The following ZNF555 variants were observed in gnomAD, a reference collection of about 807,000 sequenced individuals.
The protein encoded by ZNF555 is zinc finger protein 555.
Under a neutral mutation model 14.0 loss-of-function variants are expected in ZNF555, and 10 were observed. The observed-to-expected ratio is 0.72, with a 90% confidence interval of 0.44 to 1.21. The LOEUF (loss-of-function observed/expected upper bound fraction) is 1.21. Ranked by LOEUF, ZNF555 falls within the 50% of genes most tolerant of loss-of-function variation. The pLI, the probability that ZNF555 is intolerant of heterozygous loss-of-function variation, is 0.00. For synonymous variants in ZNF555, 277 were observed against 262.4 expected, an observed-to-expected ratio of 1.06 and a Z score of -0.54; for missense variants, 747 against 762.0, an observed-to-expected ratio of 0.98 and a Z score of 0.23.
chr19:2,848,898 C>T lies in ZNF555; in HGVS notation c.4-1689C>T, dbSNP rs117835732. On this transcript the variant is annotated intron_variant, in intron 1 of 3. Transcript: ENST00000334241. Reference sequence around the variant, plus strand: ...CTGAATTAGGGTGGGGGTGAACCTTCCCAAAACCCAAGTTCCCAGACACCA... The same window carrying T: ...CTGAATTAGGGTGGGGGTGAACCTTTCCAAAACCCAAGTTCCCAGACACCA... Among the ~76,000 whole-genome samples, 365 of 152,302 alleles carry T rather than the reference C, an allele frequency of 2.4e-3. 4 individuals carry two copies. The highest frequency in any genetic ancestry group is 3.6e-3 in the Non-Finnish European group (242 of 68,034).
rs779502285 is a variant in ZNF555, at chr19:2,853,308, A to G, written c.1243A>G (p.Met415Val). 4 of 1,613,904 alleles carry G rather than the reference A, an allele frequency of 2.5e-6. No individual in the cohort carries two copies. Among genetic ancestry groups the G allele is most frequent in the East Asian group, 2.2e-5 (1 of 44,854 alleles). The change falls in exon 4 of 4, where the codon ATG (methionine) becomes GTG (valine). Residue 415 changes from methionine (M) to valine (V), a missense_variant. Coordinates refer to ENST00000334241, the MANE Select transcript of ZNF555 (RefSeq NM_152791.5). Reference sequence around the variant, plus strand: ...TCACCCCTCCTCCTTTCGAGGACACATGAGGGTGCACACTGGAGAGAAACC... The same window carrying G: ...TCACCCCTCCTCCTTTCGAGGACACGTGAGGGTGCACACTGGAGAGAAACC... Reference protein sequence around the residue: ...FSHPSSFRGHMRVHTGEKPYE... With the variant: ...FSHPSSFRGHVRVHTGEKPYE...
At position 2,857,199 on chromosome 19, in the gene ZNF555, T is replaced by C. The variant is rs2087690231; in HGVS notation, c.*3247T>C. ...TAACATAAGTTTTCATAACGCTCTA[T>C]AGATGAATGTGATTTGGCAGTCACT... On this transcript the variant is annotated 3_prime_UTR_variant, in exon 4 of 4. Transcript: ENST00000334241. 6.6e-6 allele frequency: 1 copy of C among 152,248 alleles called. No homozygotes were observed. The highest frequency in any genetic ancestry group is 2.1e-4 in the South Asian group (1 of 4,834). 9.4% of individuals were successfully genotyped at this position (152,248 alleles called of 1,614,324 possible).
intron 1 of ZNF555, chr19:2,847,162 A>G (rs2087588486): frequency 6.6e-6 from 1 of 152,024 alleles, no homozygotes; most frequent in Non-Finnish European, 1.5e-5. Context: ...ATATTTTACC[A>G]TTTTCTCTCA....
In ZNF555 at chr19:2,856,878, G is replaced by C. The variant is rs1014450653; in HGVS notation, c.*2926G>C. ...GTAAAGCCACAGCAGCCAGTCATAT[G>C]GGGGAGAAGAGGGGAATGTTTGATG... On this transcript the variant is annotated 3_prime_UTR_variant, in exon 4 of 4. Coordinates refer to ENST00000334241, the MANE Select transcript of ZNF555 (RefSeq NM_152791.5). 6.6e-6 allele frequency: 1 copy of C among 152,182 alleles called. No individual in the cohort carries two copies. The highest frequency in any genetic ancestry group is 2.4e-5 in the African/African-American group (1 of 41,424). The allele number at this position is 152,182 out of a possible 1,614,324, so 9.4% of individuals were successfully genotyped here.
In ZNF555 at chr19:2,859,012, G is replaced by A. The variant is rs978309954; in HGVS notation, c.*5060G>A. The A allele has an allele frequency of 3.3e-5, 5 of 152,354 alleles. No individual in the cohort carries two copies. Among genetic ancestry groups the A allele is most frequent in the African/African-American group, 1.2e-4 (5 of 41,450 alleles). The allele number at this position is 152,354 out of a possible 1,614,324, so 9.4% of individuals were successfully genotyped here. ...CGCGTCTTACTAACGCCTCACCAGA[G>A]CGCATGCGCCCTCCTCAGGAGCAGC... On this transcript the variant is annotated 3_prime_UTR_variant, in exon 4 of 4. Coordinates refer to ENST00000334241, the MANE Select transcript of ZNF555 (RefSeq NM_152791.5).
In ZNF555 at chr19:2,857,923, T is replaced by G. The variant is rs1381307886; in HGVS notation, c.*3971T>G. ...CTTTTCCCTAGCTGGGCGCGGTGAC[T>G]CATGCCTGTAATCTCAACATTTTGG... is the stretch of plus-strand genomic sequence containing the variant. On this transcript the variant is annotated 3_prime_UTR_variant, in exon 4 of 4. Transcript: ENST00000334241. 2 of 152,226 alleles carry G rather than the reference T, an allele frequency of 1.3e-5. No individual in the cohort carries two copies. Among genetic ancestry groups the G allele is most frequent in the Non-Finnish European group, 2.9e-5 (2 of 68,068 alleles). The allele number at this position is 152,226 out of a possible 1,614,324, so 9.4% of individuals were successfully genotyped here. A position where few individuals can be genotyped will look rare whatever the true frequency, so the allele number is the denominator to read the frequency against.
At chr19:2,844,795 C>T (rs2144844222) in intron 1 of ZNF555, among the ~76,000 whole-genome samples, 1 of 152,276 alleles carries the variant, frequency 6.6e-6, no homozygotes, top group East Asian at 1.9e-4. Flanking sequence ...TTGGCTCTTC[C>T]TGCGTCCACC....
At chr19:2,842,159 G>A (rs1215857115) in intron 1 of ZNF555, among the ~76,000 whole-genome samples, 1 of 152,080 alleles carries the variant, frequency 6.6e-6, no homozygotes, top group Non-Finnish European at 1.5e-5. Context: ...GGGAGCGGTG[G>A]GGCCTCGGCG....
At chr19:2,845,206 G>A (rs538105642) in intron 1 of ZNF555, among the ~76,000 whole-genome samples, 4 of 152,172 alleles carry the variant, frequency 2.6e-5, no homozygotes, top group African/African-American at 9.7e-5. Context: ...TTATAAGTAA[G>A]AACATGCCAT....
chr19:2,850,280 A>G (rs896806832), intron 1 of ZNF555, among the ~76,000 whole-genome samples: 2 of 152,242 alleles, frequency 1.3e-5, no homozygotes, highest in African/African-American at 2.4e-5. Flanking sequence ...TGGTCTTAAA[A>G]TACAAGTATT....
In ZNF555 at chr19:2,851,690, A is replaced by G. The variant is rs779437839; in HGVS notation, c.314+39A>G. 4.2e-6 allele frequency: 6 copies of G among 1,445,632 alleles called. No homozygotes were observed. The Admixed American group carries it at 1.6e-4, about 38-fold the overall frequency. 89.6% of individuals were successfully genotyped at this position (1,445,632 alleles called of 1,614,324 possible). On this transcript the variant is annotated intron_variant, in intron 3 of 3. Transcript: ENST00000334241. ...ACAAGAGAACATAGTATTTCAGGAG[A>G]GAATCTTAGTCTGTCATTAAACTTT...
chr19:2,853,233 CATG>C lies in ZNF555; in HGVS notation c.1169_1171del (p.His390_Gly391delinsArg), dbSNP rs1218831207. 6 of 1,614,154 alleles carry C rather than the reference CATG, an allele frequency of 3.7e-6. No individual in the cohort carries two copies. Among genetic ancestry groups the C allele is most frequent in the Non-Finnish European group, 5.1e-6 (6 of 1,180,004 alleles). Reference sequence around the variant, plus strand: ...GTCCTTTCGAAGACATGAAAGGACTCATGGTGGAGAGAAACCCTATGAATGCAA... The same window carrying C: ...GTCCTTTCGAAGACATGAAAGGACTCGTGGAGAGAAACCCTATGAATGCAA... On this transcript the variant is annotated inframe_deletion, in exon 4 of 4. Transcript: ENST00000334241.
Position 2,854,332 on chromosome 19 carries a change from C to T in ZNF555, c.*380C>T, listed in dbSNP as rs1448720665. ...TAGTTGGCAGAATTTTGTAATTATG[C>T]AAAGTTGTTTAAGGAGTATAGCCTC... On this transcript the variant is annotated 3_prime_UTR_variant, in exon 4 of 4. Coordinates refer to ENST00000334241, the MANE Select transcript of ZNF555 (RefSeq NM_152791.5). 4.6e-6 allele frequency: 1 copy of T among 215,134 alleles called. No homozygotes were observed. Among genetic ancestry groups the T allele is most frequent in the Non-Finnish European group, 9.3e-6 (1 of 107,536 alleles). The allele number at this position is 215,134 out of a possible 1,614,324, so 13.3% of individuals were successfully genotyped here.
chr19:2,843,155 T>C (rs2087552868), intron 1 of ZNF555, among the ~76,000 whole-genome samples: 1 of 152,160 alleles, frequency 6.6e-6, no homozygotes, highest in Non-Finnish European at 1.5e-5. Flanking sequence ...CTCAGATCTG[T>C]TATTTTCTGT....
Position 2,853,781 on chromosome 19 carries a change from A to T in ZNF555, c.1716A>T (p.Ala572=). Residue 572 remains alanine, a synonymous_variant, in exon 4 of 4, where the codon GCA becomes GCT. Coordinates refer to ENST00000334241, the MANE Select transcript of ZNF555 (RefSeq NM_152791.5). ...ATCAATGTAAGCATTGTGGGAAAGC[A>T]TTCAATTGTTCCTCATCCTTAAGGC... is the stretch of plus-strand genomic sequence containing the variant. ...KPYQCKHCGK[A]FNCSSSLRRH... is the part of the protein sequence containing the mutation. 1 of 1,611,614 alleles carries T rather than the reference A, an allele frequency of 6.2e-7. No individual in the cohort carries two copies. The highest frequency in any genetic ancestry group is 8.5e-7 in the Non-Finnish European group (1 of 1,178,544).
At chr19:2,845,844 G>A (rs534765568) in intron 1 of ZNF555, among the ~76,000 whole-genome samples, 40 of 152,282 alleles carry the variant, frequency 2.6e-4, no homozygotes, top group African/African-American at 9.4e-4. Flanking sequence ...TTCCTGCACA[G>A]CATAACTCTG....
In ZNF555 at chr19:2,852,538, C is replaced by A; in HGVS notation, c.473C>A (p.Ser158Tyr). The change falls in exon 4 of 4, where the codon TCC becomes TAC. Residue 158 changes from serine to tyrosine, a missense_variant. Physicochemically the swap from Ser to Tyr is moderately radical, Grantham distance 144. Coordinates refer to ENST00000334241, the MANE Select transcript of ZNF555 (RefSeq NM_152791.5). Reference protein sequence around the residue: ...YGKVFMHRRTSLKSPITVHTG... With the variant: ...YGKVFMHRRTYLKSPITVHTG... ...AAAGTCTTCATGCATCGCCGCACAT[C>A]CCTCAAGAGTCCCATCACAGTTCAC... 6.2e-7 allele frequency: 1 copy of A among 1,614,072 alleles called. No individual in the cohort carries two copies. The highest frequency in any genetic ancestry group is 8.5e-7 in the Non-Finnish European group (1 of 1,180,030).
In ZNF555 at chr19:2,856,227, C is replaced by CA. The variant is rs1240371544; in HGVS notation, c.*2276dup. ...TTAAAATGATTTTTTTTTTTTGAGA[C>CA]AGAGTCTCGCTCTGTCACCCAGGCT... On this transcript the variant is annotated 3_prime_UTR_variant, in exon 4 of 4. Coordinates refer to ENST00000334241, the MANE Select transcript of ZNF555 (RefSeq NM_152791.5). 6.9e-6 allele frequency: 1 copy of CA among 144,678 alleles called. No individual in the cohort carries two copies. The highest frequency in any genetic ancestry group is 2.6e-5 in the African/African-American group (1 of 38,686). The allele number at this position is 144,678 out of a possible 1,614,324, so 9.0% of individuals were successfully genotyped here. A position where few individuals can be genotyped will look rare whatever the true frequency, so the allele number is the denominator to read the frequency against.
rs36012545 is a variant in ZNF555, at chr19:2,852,475, C to T, written c.410C>T (p.Pro137Leu). The change falls in exon 4 of 4, where the codon CCA (proline) becomes CTA (leucine). Residue 137 changes from proline to leucine, a missense_variant. Physicochemically the swap from Pro to Leu is moderately conservative, Grantham distance 98. Transcript: ENST00000334241. Reference protein sequence around the residue: ...IPHLNLYKKIPPGVKQYEYNT... With the variant: ...IPHLNLYKKILPGVKQYEYNT... Reference sequence around the variant, plus strand: ...CATCTTAATCTGTACAAGAAAATTCCACCTGGAGTAAAACAGTATGAATAC... The same window carrying T: ...CATCTTAATCTGTACAAGAAAATTCTACCTGGAGTAAAACAGTATGAATAC... 524 of 1,614,048 alleles carry T rather than the reference C, an allele frequency of 3.2e-4. 1 individual carries two copies. In the African/African-American group the frequency reaches 6.0e-3, roughly 18 times the overall value.
Sources: allele counts gnomAD v4.1 joint callset (sites outside exome capture counted in the v4.1 genomes callset), GRCh38; gene constraint gnomAD v4.1.1; transcripts MANE v1.5; gene names NCBI Gene and HGNC (gene_info 2026-07-23, HGNC 2026-07-21).